The following SND1 variants were observed in gnomAD, a reference collection of about 807,000 sequenced individuals.
SND1 encodes the protein staphylococcal nuclease and tudor domain containing 1, also known as staphylococcal nuclease domain-containing protein 1.
A neutral mutation model predicts 121.7 loss-of-function variants in SND1; 38 were observed. The observed-to-expected ratio is 0.31, with a 90% confidence interval of 0.24 to 0.41. SND1 has a LOEUF of 0.41. Among genes scored for constraint, SND1 ranks in the 10% least tolerant of loss-of-function variants. SND1 has a pLI of 1.00. For missense variants in SND1, 868 were observed against 1,184.6 expected (o/e 0.73, Z 3.92); for synonymous variants, 401 against 447.4 (o/e 0.90, Z 1.31).
chr7:127,713,003 A>G (rs977596024), intron 9 of SND1, among the ~76,000 whole-genome samples: 2 of 152,264 alleles, frequency 1.3e-5, no homozygotes, highest in Admixed American at 6.5e-5. Flanking sequence ...TTTGCCAAAC[A>G]TGTCTTTAGA....
At chr7:128,006,488 G>C (rs1156349286) in intron 16 of SND1, among the ~76,000 whole-genome samples, 1 of 152,222 alleles carries the variant, frequency 6.6e-6, no homozygotes, top group Non-Finnish European at 1.5e-5. Flanking sequence ...TGGCAAATAT[G>C]TATTAGTTCA....
rs537764593 is a variant in SND1, at chr7:127,724,967, C to T, written c.1152+3567C>T. On this transcript the variant is annotated intron_variant, in intron 10 of 23. Transcript: ENST00000354725. The stretch of plus-strand genomic sequence containing the variant: ...CTTTTGACTTAAAGAAATCCCCCCA[C>T]GCCAACCCCTGCCCCTTTCCTTGGC... 3.3e-5 allele frequency among the ~76,000 whole-genome samples: 5 copies of T among 152,130 alleles called. No individual in the cohort carries two copies. The South Asian group carries it at 8.3e-4, about 25-fold the overall frequency.
In SND1 at chr7:127,956,774, A is replaced by C. The variant is rs1801602259; in HGVS notation, c.1669+27445A>C. The stretch of plus-strand genomic sequence containing the variant: ...CACATCTGCACGTGTGCATGTGTGC[A>C]TAATTTTTTGCTACCTTCTTCCTTG... On this transcript the variant is annotated intron_variant, in intron 15 of 23. Transcript: ENST00000354725. Among the ~76,000 whole-genome samples, 3 of 152,250 alleles carry C rather than the reference A, an allele frequency of 2.0e-5. 1 individual carries two copies. The South Asian group carries it at 6.2e-4, about 32-fold the overall frequency.
intron 16 of SND1, among the ~76,000 whole-genome samples, chr7:127,995,095 A>G (rs1290819437): frequency 6.6e-6 from 1 of 152,184 alleles, no homozygotes; most frequent in Non-Finnish European, 1.5e-5. Flanking sequence ...TGTAGTTACG[A>G]CAGAGGCTAT....
chr7:128,075,045 C>T (rs762342286), intron 17 of SND1, among the ~76,000 whole-genome samples: 2 of 152,268 alleles, frequency 1.3e-5, no homozygotes, highest in Non-Finnish European at 2.9e-5. Context: ...TGACCCTTCT[C>T]TGTCAGTGCC....
At chr7:127,767,519 G>A (rs182842082) in intron 10 of SND1, among the ~76,000 whole-genome samples, 1 of 152,344 alleles carries the variant, frequency 6.6e-6, no homozygotes, top group African/African-American at 2.4e-5. Context: ...TTTTGATAAT[G>A]AAAGTGATTA....
chr7:127,769,273 G>A (rs1797472802), intron 10 of SND1, among the ~76,000 whole-genome samples: 2 of 151,966 alleles, frequency 1.3e-5, no homozygotes, highest in Non-Finnish European at 1.5e-5. Flanking sequence ...AGTGACAGTA[G>A]TAAACTCCGT....
intron 16 of SND1, among the ~76,000 whole-genome samples, chr7:128,047,384 T>C (rs546851371): frequency 1.3e-5 from 2 of 152,372 alleles, no homozygotes; most frequent in Admixed American, 6.5e-5. Flanking sequence ...CAGATATTTT[T>C]ATACCATGCC....
chr7:128,076,489 C>G (rs1793508450), intron 17 of SND1, among the ~76,000 whole-genome samples: 1 of 152,216 alleles, frequency 6.6e-6, no homozygotes, highest in South Asian at 2.1e-4. Flanking sequence ...GGCTGGCTTT[C>G]TTCCTCCTGG....
chr7:127,865,521 A>C (rs1029933311), intron 12 of SND1, among the ~76,000 whole-genome samples: 1 of 152,218 alleles, frequency 6.6e-6, no homozygotes, highest in African/African-American at 2.4e-5. Context: ...ACAAACAAAC[A>C]AACAAACAAA....
intron 16 of SND1, among the ~76,000 whole-genome samples, chr7:128,073,484 C>T (rs1793450285): frequency 6.6e-6 from 1 of 152,314 alleles, no homozygotes; most frequent in Middle Eastern, 3.4e-3. Context: ...CCCAGACCAC[C>T]TCCTTGTCCT....
At chr7:127,687,460 C>G (rs1795833053) in intron 2 of SND1, among the ~76,000 whole-genome samples, 2 of 152,018 alleles carry the variant, frequency 1.3e-5, no homozygotes, top group Non-Finnish European at 2.9e-5. Flanking sequence ...TAATTCTCAC[C>G]CCCCTCACTC....
chr7:128,031,972 C>T (rs1792628737), intron 16 of SND1: 1 of 150,626 alleles, frequency 6.6e-6, no homozygotes, highest in African/African-American at 2.4e-5. Context: ...CGCTGGCTAG[C>T]GGCGGCAGCA....
intron 12 of SND1, among the ~76,000 whole-genome samples, chr7:127,885,534 T>C (rs1799887262): frequency 6.6e-6 from 1 of 152,094 alleles, no homozygotes. Context: ...GAACTCCATA[T>C]GGCAGGTCTT....
chr7:127,909,878 G>A (rs988157761), intron 14 of SND1, among the ~76,000 whole-genome samples: 7 of 152,186 alleles, frequency 4.6e-5, no homozygotes, highest in African/African-American at 1.7e-4. Context: ...ACTTGCTAAT[G>A]TGAAGGATTG....
chr7:127,707,704 T>C, intron 9 of SND1, 57 bp downstream of exon 9: 1 of 1,433,078 alleles, frequency 7.0e-7, no homozygotes, highest in South Asian at 1.1e-5. Flanking sequence ...CGAGTAATAA[T>C]ACAAGAATTT....
At chr7:127,812,700 C>T (rs1347736355) in intron 11 of SND1, among the ~76,000 whole-genome samples, 1 of 152,200 alleles carries the variant, frequency 6.6e-6, no homozygotes, top group African/African-American at 2.4e-5. Flanking sequence ...CAGTTTTTCA[C>T]TCTGCTAGTG....
At position 127,798,734 on chromosome 7, in the gene SND1, C is replaced by T. The variant is rs73457855; in HGVS notation, c.1153-8750C>T. 1.8e-3 allele frequency among the ~76,000 whole-genome samples: 275 copies of T among 152,232 alleles called. 1 individual carries two copies. The highest frequency in any genetic ancestry group is 5.8e-3 in the African/African-American group (241 of 41,528). On this transcript the variant is annotated intron_variant, in intron 10 of 23. Transcript: ENST00000354725. ...ATAGACATTTTTGTGGCCTGGAGAC[C>T]TCCTTGCTACTTATTTAAAAATTCA...
intron 15 of SND1, among the ~76,000 whole-genome samples, chr7:127,961,974 G>A (rs751043187): frequency 3.3e-5 from 5 of 152,154 alleles, no homozygotes; most frequent in African/African-American, 7.2e-5. Flanking sequence ...TGTGCATCAC[G>A]TGATCGGATC....
Sources: allele counts gnomAD v4.1 joint callset (sites outside exome capture counted in the v4.1 genomes callset), GRCh38; gene constraint gnomAD v4.1.1; transcripts MANE v1.5; gene names NCBI Gene and HGNC (gene_info 2026-07-23, HGNC 2026-07-21).